SLC39A12: variants seen among roughly 807,000 people sequenced by gnomAD.
SLC39A12 encodes zinc transporter ZIP12.
Under a neutral mutation model 71.1 loss-of-function variants are expected in SLC39A12, and 63 were observed. The ratio of observed to expected loss-of-function variants is 0.89; its 90% CI spans 0.72 to 1.09. The LOEUF (loss-of-function observed/expected upper bound fraction) is 1.09. Among genes scored for constraint, SLC39A12 ranks in the 50% least tolerant of loss-of-function variants. SLC39A12 has a pLI of 0.00. For missense variants in SLC39A12, 892 were observed against 812.6 expected, an observed-to-expected ratio of 1.10 and a Z score of -1.19; for synonymous variants, 351 against 301.3, an observed-to-expected ratio of 1.16 and a Z score of -1.71.
At chr10:17,956,276 G>T (rs920079069) in intron 2 of SLC39A12, among the ~76,000 whole-genome samples, 11 of 152,028 alleles carry the variant, frequency 7.2e-5, no homozygotes, top group African/African-American at 2.7e-4. Context: ...GAAGATCTCT[G>T]TGGATCTCAT....
chr10:18,034,776 C>T (rs576935896), intron 12 of SLC39A12, among the ~76,000 whole-genome samples: 51 of 150,344 alleles, frequency 3.4e-4, no homozygotes, highest in African/African-American at 8.8e-4. Flanking sequence ...GATTTTGCAG[C>T]GGCTGGTACC....
chr10:18,015,844 T>C (rs1836364508), intron 12 of SLC39A12, among the ~76,000 whole-genome samples: 1 of 152,080 alleles, frequency 6.6e-6, no homozygotes, highest in African/African-American at 2.4e-5. Flanking sequence ...ATGCCTTGAA[T>C]GAGGCTAGCA....
At chr10:17,954,578 A>G (rs1834491342) in intron 2 of SLC39A12, among the ~76,000 whole-genome samples, 1 of 152,024 alleles carries the variant, frequency 6.6e-6, no homozygotes, top group Admixed American at 6.6e-5. Context: ...ATATGACGTC[A>G]GTGATGTCTA....
At chr10:17,967,122 A>G (rs1834846299) in intron 4 of SLC39A12, among the ~76,000 whole-genome samples, 1 of 151,988 alleles carries the variant, frequency 6.6e-6, no homozygotes, top group Non-Finnish European at 1.5e-5. Context: ...CATCTTTTCT[A>G]TTTTGTTGCA....
At chr10:17,963,267 C>G (rs749249026) in intron 3 of SLC39A12, among the ~76,000 whole-genome samples, 32 of 152,154 alleles carry the variant, frequency 2.1e-4, no homozygotes, top group Non-Finnish European at 3.5e-4. Context: ...TTCTTCAGTA[C>G]AACATCTGTG....
At chr10:18,013,721 G>A (rs924303105) in intron 12 of SLC39A12, among the ~76,000 whole-genome samples, 1 of 152,160 alleles carries the variant, frequency 6.6e-6, no homozygotes, top group African/African-American at 2.4e-5. Flanking sequence ...CTCTTGAAAG[G>A]ACTCTCCTTT....
chr10:17,968,764 C>T (rs563558857), intron 4 of SLC39A12, among the ~76,000 whole-genome samples: 148 of 152,160 alleles, frequency 9.7e-4, no homozygotes, highest in Non-Finnish European at 1.9e-3. Context: ...GGGTATCCAT[C>T]CCTTCAAGCA....
intron 12 of SLC39A12, among the ~76,000 whole-genome samples, chr10:18,011,096 C>T (rs535190401): frequency 1.9e-4 from 29 of 151,896 alleles, no homozygotes; most frequent in African/African-American, 6.8e-4. Flanking sequence ...TCCTTCCTTC[C>T]TTTCTTTTTT....
At chr10:18,001,660 G>C (rs1294477058) in intron 11 of SLC39A12, 1 of 151,406 alleles carries the variant, frequency 6.6e-6, no homozygotes, top group African/African-American at 2.4e-5. Flanking sequence ...GATAATCTTA[G>C]TTGCCCTGTA....
At chr10:18,008,017 A>G (rs1193493333) in intron 12 of SLC39A12, among the ~76,000 whole-genome samples, 1 of 152,136 alleles carries the variant, frequency 6.6e-6, no homozygotes, top group Non-Finnish European at 1.5e-5. Flanking sequence ...AATTACTCTT[A>G]CCATTATAGT....
intron 7 of SLC39A12, among the ~76,000 whole-genome samples, chr10:17,988,526 C>T (rs1835462150): frequency 6.6e-6 from 1 of 152,178 alleles, no homozygotes; most frequent in African/African-American, 2.4e-5. Context: ...GCCCATTAAA[C>T]CTCTTTTCTT....
intron 12 of SLC39A12, among the ~76,000 whole-genome samples, chr10:18,034,372 T>C (rs919032790): frequency 1.9e-4 from 29 of 152,226 alleles, no homozygotes; most frequent in African/African-American, 7.0e-4. Flanking sequence ...TAGTTAGCTC[T>C]TCTTGTTTAA....
chr10:17,965,074 G>A (rs1387250532), intron 3 of SLC39A12, among the ~76,000 whole-genome samples: 2 of 152,138 alleles, frequency 1.3e-5, no homozygotes, highest in Non-Finnish European at 2.9e-5. Context: ...AGGCGTGGTG[G>A]CAGGCACCTG....
chr10:18,025,743 T>A (rs1404348223), intron 12 of SLC39A12, among the ~76,000 whole-genome samples: 1 of 152,184 alleles, frequency 6.6e-6, no homozygotes, highest in African/African-American at 2.4e-5. Flanking sequence ...CTTTGGGTAT[T>A]ATACCCAGTA....
At chr10:17,958,921 G>T (rs1183587772) in intron 2 of SLC39A12, among the ~76,000 whole-genome samples, 1 of 151,736 alleles carries the variant, frequency 6.6e-6, no homozygotes, top group Non-Finnish European at 1.5e-5. Flanking sequence ...AATAATATAG[G>T]GTTCTTATTA....
In SLC39A12 at chr10:18,036,794, A is replaced by ATATATTTT. The variant is rs1554855475; in HGVS notation, c.1948-5910_1948-5909insATATTTTT. Among the ~76,000 whole-genome samples, 47 of 92,804 alleles carry ATATATTTT rather than the reference A, an allele frequency of 5.1e-4. 1 individual carries two copies. Among genetic ancestry groups the ATATATTTT allele is most frequent in the South Asian group, 8.7e-4 (2 of 2,296 alleles). The allele number at this position is 92,804 out of a possible 152,430, so 60.9% of individuals were successfully genotyped here. ...TATATATATATATATATATATATAT[A>ATATATTTT]TTTTTTTTTTTAATGGAATCTCACT... On this transcript the variant is annotated intron_variant, in intron 12 of 12. Coordinates refer to ENST00000377369, the MANE Select transcript of SLC39A12 (RefSeq NM_001145195.2).
chr10:18,037,798 C>T (rs576615226), intron 12 of SLC39A12, among the ~76,000 whole-genome samples: 159 of 151,872 alleles, frequency 1.0e-3, no homozygotes, highest in Admixed American at 8.3e-3. Context: ...CCAAGGTGGG[C>T]GGATCACCGT....
At chr10:17,972,901 A>C (rs1424291139) in intron 4 of SLC39A12, among the ~76,000 whole-genome samples, 1 of 151,462 alleles carries the variant, frequency 6.6e-6, no homozygotes, top group East Asian at 1.9e-4. Flanking sequence ...TGGTTGTTTT[A>C]TGGTCATTTT....
At chr10:17,997,817 A>G (rs1835728484) in intron 10 of SLC39A12, among the ~76,000 whole-genome samples, 1 of 152,194 alleles carries the variant, frequency 6.6e-6, no homozygotes, top group Non-Finnish European at 1.5e-5. Flanking sequence ...GTCTGATTTA[A>G]ATTTTAAAAA....
Sources: gnomAD v4.1 joint callset for allele counts (sites outside exome capture counted in the v4.1 genomes callset) on GRCh38, gnomAD v4.1.1 for gene constraint, MANE v1.5 for transcripts, NCBI Gene and HGNC (gene_info 2026-07-23, HGNC 2026-07-21) for gene names.